RIMS1: variants seen among roughly 807,000 people sequenced by gnomAD.
RIMS1 encodes regulating synaptic membrane exocytosis protein 1.
In RIMS1, 83 loss-of-function variants were observed where a neutral mutation model predicts 214.1. That is an observed-to-expected ratio of 0.39 (90% CI 0.32 to 0.47). The LOEUF is 0.47. Among genes scored for constraint, RIMS1 ranks in the 20% least tolerant of loss-of-function variants. RIMS1 has a pLI of 0.99. For synonymous variants in RIMS1, 793 were observed against 786.8 expected, an observed-to-expected ratio of 1.01 and a Z score of -0.13; for missense variants, 2,050 against 2,161.8, an observed-to-expected ratio of 0.95 and a Z score of 1.03.
At chr6:71,967,002 G>C (rs1794636223) in intron 1 of RIMS1, among the ~76,000 whole-genome samples, 1 of 152,208 alleles carries the variant, frequency 6.6e-6, no homozygotes, top group South Asian at 2.1e-4. Flanking sequence ...GGGAAAAAAA[G>C]AGATGAATTA....
At chr6:71,949,247 T>C (rs1214818556) in intron 1 of RIMS1, among the ~76,000 whole-genome samples, 1 of 152,096 alleles carries the variant, frequency 6.6e-6, no homozygotes. Flanking sequence ...GATGTATAAT[T>C]TTTGGGGACA....
chr6:71,960,372 C>T (rs766917367), intron 1 of RIMS1, among the ~76,000 whole-genome samples: 18 of 152,154 alleles, frequency 1.2e-4, no homozygotes, highest in Non-Finnish European at 1.9e-4. Context: ...AATGGAAATA[C>T]TAAAAGCTAT....
chr6:72,270,108 A>T (rs913416817), intron 22 of RIMS1, among the ~76,000 whole-genome samples: 29 of 152,282 alleles, frequency 1.9e-4, no homozygotes, highest in African/African-American at 6.3e-4. Context: ...TTCTTCCACG[A>T]TATCACCATA....
chr6:72,164,241 A>T (rs536783226), intron 4 of RIMS1, among the ~76,000 whole-genome samples: 116 of 152,266 alleles, frequency 7.6e-4, no homozygotes, highest in Middle Eastern at 3.4e-3. Flanking sequence ...CTGTTGGCAA[A>T]GCGCAGTATT....
chr6:72,156,007 T>C lies in RIMS1; in HGVS notation c.472-23568T>C, dbSNP rs2044394282. The C allele has an allele frequency of 3.0e-5, 9 of 304,024 alleles. 1 individual carries two copies. The highest frequency in any genetic ancestry group is 2.5e-4 in the South Asian group (9 of 36,526). 18.8% of individuals were successfully genotyped at this position (304,024 alleles called of 1,614,324 possible). On this transcript the variant is annotated intron_variant, in intron 4 of 33. Transcript: ENST00000521978. The stretch of plus-strand genomic sequence containing the variant: ...GATATGGAGAAAAAAATAACACTTA[T>C]ACCCTGTTGGTAGGAATGTAAATTG...
At chr6:72,117,960 A>G (rs976250287) in intron 4 of RIMS1, among the ~76,000 whole-genome samples, 11 of 152,034 alleles carry the variant, frequency 7.2e-5, no homozygotes, top group African/African-American at 2.2e-4. Context: ...AAGTAAAATA[A>G]TACAAAAGAG....
In RIMS1 at chr6:72,251,013, A is replaced by G. The variant is rs1184692734; in HGVS notation, c.2465A>G (p.Asp822Gly). ...GTCTATTCACATGTACATCGTAGAG[A>G]TTTTAGAGAACGAATGTTAGAAATA... ...TFVYSHVHRR[D>G]FRERMLEITV... The change falls in exon 14 of 34, where the codon GAT (aspartate) becomes GGT (glycine). Residue 822 changes from aspartate (D) to glycine (G), a missense_variant. Asp to Gly is a moderately conservative substitution (Grantham distance 94). Around this residue, in one of 6 missense-constraint regions of RIMS1, gnomAD observed 889 missense variants for 885.5 expected, o/e 1.00. Transcript: ENST00000521978. 6.4e-7 allele frequency: 1 copy of G among 1,572,126 alleles called. No individual in the cohort carries two copies. The highest frequency in any genetic ancestry group is 8.6e-7 in the Non-Finnish European group (1 of 1,157,610).
intron 2 of RIMS1, among the ~76,000 whole-genome samples, chr6:72,076,057 C>T (rs1300019116): frequency 6.6e-6 from 1 of 152,082 alleles, no homozygotes; most frequent in Non-Finnish European, 1.5e-5. Flanking sequence ...AGCTTTAAGA[C>T]TTTTAAAATT....
chr6:72,027,331 T>A (rs541186427), intron 2 of RIMS1, among the ~76,000 whole-genome samples: 1 of 152,198 alleles, frequency 6.6e-6, no homozygotes, highest in Admixed American at 6.5e-5. Flanking sequence ...GCAAACAATT[T>A]TTGCCTCTCT....
chr6:72,345,005 T>G (rs1002763659), intron 29 of RIMS1, among the ~76,000 whole-genome samples: 2 of 151,728 alleles, frequency 1.3e-5, no homozygotes, highest in Non-Finnish European at 3.0e-5. Context: ...GCACAACACT[T>G]AGCACTAAAA....
chr6:72,011,259 G>A (rs1465095208), intron 2 of RIMS1, among the ~76,000 whole-genome samples: 1 of 152,172 alleles, frequency 6.6e-6, no homozygotes, highest in Non-Finnish European at 1.5e-5. Context: ...ATGGTGCTGG[G>A]AAAACTGGCT....
chr6:72,239,639 C>T (rs1367391340), intron 9 of RIMS1, among the ~76,000 whole-genome samples: 1 of 152,142 alleles, frequency 6.6e-6, no homozygotes, highest in Non-Finnish European at 1.5e-5. Flanking sequence ...ATATCTTTAT[C>T]CAGTCCTGCC....
chr6:72,248,555 G>T (rs991897148), intron 12 of RIMS1, among the ~76,000 whole-genome samples: 1 of 152,044 alleles, frequency 6.6e-6, no homozygotes, highest in Non-Finnish European at 1.5e-5. Flanking sequence ...AAAACTCTTC[G>T]TTGCCACTGA....
chr6:72,124,515 T>C (rs1008878146), intron 4 of RIMS1, among the ~76,000 whole-genome samples: 1 of 151,888 alleles, frequency 6.6e-6, no homozygotes, highest in African/African-American at 2.4e-5. Flanking sequence ...TGAAGTTGAA[T>C]GTTGGCCAGC....
rs187545761 is a variant in RIMS1 at position 72,214,432 on chromosome 6, T to G, written c.1679-19341T>G. 3.9e-5 allele frequency among the ~76,000 whole-genome samples: 6 copies of G among 152,286 alleles called. No homozygotes were observed. In the South Asian group the frequency reaches 6.2e-4, roughly 16 times the overall value. On this transcript the variant is annotated intron_variant, in intron 6 of 33. Transcript: ENST00000521978. Reference sequence around the variant, plus strand: ...GTTAGAAATGCAATTTGTTACTATTTGATAAATTTTCTTATATCAAGGCAC... The same window carrying G: ...GTTAGAAATGCAATTTGTTACTATTGGATAAATTTTCTTATATCAAGGCAC...
chr6:72,171,482 T>C (rs1057261940), intron 4 of RIMS1, among the ~76,000 whole-genome samples: 10 of 152,162 alleles, frequency 6.6e-5, no homozygotes, highest in Non-Finnish European at 1.2e-4. Flanking sequence ...CTGATAATGA[T>C]AAAATAACCA....
intron 1 of RIMS1, among the ~76,000 whole-genome samples, chr6:71,957,720 T>A (rs190422046): frequency 2.0e-5 from 3 of 150,644 alleles, no homozygotes. Context: ...CTAAATGACA[T>A]GACAGTGTAT....
At chr6:72,361,096 CTTTTTTTTTTT>C (rs70994124) in intron 29 of RIMS1, among the ~76,000 whole-genome samples, 9 of 54,434 alleles carry the variant, frequency 1.7e-4, no homozygotes, top group African/African-American at 3.9e-4. Flanking sequence ...GTCTTTCTTT[CTTTTTTTTTTT>C]TTTTTTTTTT....
At chr6:71,976,562 A>T (rs923277714) in intron 2 of RIMS1, among the ~76,000 whole-genome samples, 1 of 152,080 alleles carries the variant, frequency 6.6e-6, no homozygotes, top group African/African-American at 2.4e-5. Flanking sequence ...CATTTTCTTG[A>T]TAGTACTTTT....
Sources: gnomAD v4.1 joint callset for allele counts (sites outside exome capture counted in the v4.1 genomes callset) on GRCh38, gnomAD v4.1.1 for gene constraint, gnomAD v4.1.1 regional missense constraint, MANE v1.5 for transcripts, NCBI Gene and HGNC (gene_info 2026-07-23, HGNC 2026-07-21) for gene names.